Variants in UBAC2 observed in about 807,000 individuals in gnomAD.
The protein encoded by UBAC2 is ubiquitin-associated domain-containing protein 2.
Under a neutral mutation model 44.0 loss-of-function variants are expected in UBAC2, and 26 were observed. That is an observed-to-expected ratio of 0.59 (90% CI 0.43 to 0.82). The LOEUF (loss-of-function observed/expected upper bound fraction) is 0.82. Ranked by LOEUF, UBAC2 falls within the 40% of genes least tolerant of loss-of-function variation. The probability of loss-of-function intolerance (pLI) is 0.00; values close to 1 mark genes in which losing one functional copy is unlikely to be tolerated. For missense variants in UBAC2, 329 were observed against 419.4 expected (o/e 0.78, Z 1.88); for synonymous variants, 155 against 154.3 (o/e 1.00, Z -0.04).
chr13:99,213,234 T>TA (rs398037828), intron 1 of UBAC2, among the ~76,000 whole-genome samples: 2 of 152,056 alleles, frequency 1.3e-5, no homozygotes, highest in Non-Finnish European at 2.9e-5. Context: ...TTTTTTTTTT[T>TA]ATTTAAGATG....
intron 1 of UBAC2, among the ~76,000 whole-genome samples, chr13:99,219,718 T>G (rs1024288338): frequency 5.3e-5 from 8 of 152,256 alleles, no homozygotes; most frequent in Non-Finnish European, 8.8e-5. Context: ...CGTCATGCCC[T>G]ATTACCTTCT....
At chr13:99,269,174 A>G (rs1021611843) in intron 4 of UBAC2, among the ~76,000 whole-genome samples, 20 of 152,322 alleles carry the variant, frequency 1.3e-4, no homozygotes, top group African/African-American at 4.6e-4. Flanking sequence ...TGTTGCAGGA[A>G]GTCCACTCAT....
rs572757183 is a variant in UBAC2, at chr13:99,351,834, T to G, written c.807+11269T>G. The G allele has an allele frequency of 1.7e-4, 75 of 452,608 alleles. 1 individual carries two copies. In the Middle Eastern group the frequency reaches 2.9e-3, roughly 18 times the overall value. 28.0% of individuals were successfully genotyped at this position (452,608 alleles called of 1,614,324 possible). A position where few individuals can be genotyped will look rare whatever the true frequency, so the allele number is the denominator to read the frequency against. On this transcript the variant is annotated intron_variant, in intron 7 of 8. Transcript: ENST00000403766. The stretch of plus-strand genomic sequence containing the variant: ...TCTTTTAACTGCCTCCTCATCTCAT[T>G]GGGCTGCCCGGTGTTAACTGGTTGA...
intron 7 of UBAC2, among the ~76,000 whole-genome samples, chr13:99,352,144 T>G (rs992647966): frequency 2.0e-5 from 3 of 152,210 alleles, no homozygotes; most frequent in Non-Finnish European, 4.4e-5. Context: ...TTCAATAACT[T>G]TTTTTAGTGT....
chr13:99,280,610 G>A (rs1273095630), intron 4 of UBAC2, among the ~76,000 whole-genome samples: 2 of 152,132 alleles, frequency 1.3e-5, no homozygotes, highest in Non-Finnish European at 2.9e-5. Context: ...TCTCTCAACT[G>A]GATGCTTTTG....
Position 99,364,481 on chromosome 13 carries a change from A to G in UBAC2, c.808-3306A>G, listed in dbSNP as rs2045305322. On this transcript the variant is annotated intron_variant, in intron 7 of 8. Coordinates refer to ENST00000403766, the MANE Select transcript of UBAC2 (RefSeq NM_001144072.2). ...ATATTGTATAATTTTTCTTGCTCATAATGGCCTTGTCTAGTTTTGGAAACA... is the reference window on the plus strand; with the variant it reads ...ATATTGTATAATTTTTCTTGCTCATGATGGCCTTGTCTAGTTTTGGAAACA... Among the ~76,000 whole-genome samples, 2 of 151,788 alleles carry G rather than the reference A, an allele frequency of 1.3e-5. 1 individual carries two copies. The highest frequency in any genetic ancestry group is 2.9e-5 in the Non-Finnish European group (2 of 67,958).
intron 1 of UBAC2, among the ~76,000 whole-genome samples, chr13:99,232,687 C>T (rs936847282): frequency 5.9e-5 from 9 of 152,026 alleles, no homozygotes; most frequent in African/African-American, 1.9e-4. Context: ...TTTGGGAGGC[C>T]GAGGCGGGCA....
chr13:99,346,064 AT>A (rs2044974965), intron 7 of UBAC2, among the ~76,000 whole-genome samples: 1 of 152,124 alleles, frequency 6.6e-6, no homozygotes, highest in Non-Finnish European at 1.5e-5. Context: ...TCTTTGCTAA[AT>A]TTGTTTCCCT....
intron 7 of UBAC2, among the ~76,000 whole-genome samples, chr13:99,348,854 A>G (rs921178245): frequency 1.3e-5 from 2 of 152,184 alleles, no homozygotes; most frequent in East Asian, 3.8e-4. Flanking sequence ...CTACAAAAAA[A>G]TTTTTTAAAT....
At chr13:99,201,614 TGA>T (rs940555803) in intron 1 of UBAC2, 45 of 1,604,916 alleles carry the variant, frequency 2.8e-5, no homozygotes, top group African/African-American at 4.0e-5. Context: ...CTTTTCTCAC[TGA>T]GTGTGTGGAA....
At chr13:99,234,580 GTCAGATACTGTGTCCAATGACAAGCA>G (rs1161972115) in intron 1 of UBAC2, among the ~76,000 whole-genome samples, 5 of 152,194 alleles carry the variant, frequency 3.3e-5, no homozygotes, top group Non-Finnish European at 7.3e-5. Flanking sequence ...GCTCAGAGAG[GTCAGATACTGTGTCCAATGACAAGCA>G]TCAGTAAGTG....
chr13:99,287,685 A>G (rs1208448445), intron 4 of UBAC2, among the ~76,000 whole-genome samples: 1 of 120,170 alleles, frequency 8.3e-6, no homozygotes, highest in Non-Finnish European at 1.6e-5. Context: ...AGGTTTCGCC[A>G]TGTTGCCCAG....
chr13:99,358,114 G>A (rs2045214260), intron 7 of UBAC2, among the ~76,000 whole-genome samples: 1 of 152,144 alleles, frequency 6.6e-6, no homozygotes, highest in African/African-American at 2.4e-5. Context: ...GTACAGGGTG[G>A]TGAGAGCAGG....
chr13:99,350,335 T>C (rs539407210), intron 7 of UBAC2, among the ~76,000 whole-genome samples: 2 of 152,324 alleles, frequency 1.3e-5, no homozygotes, highest in East Asian at 3.9e-4. Flanking sequence ...CTCTCCTGGA[T>C]AGCCTCAGAT....
At position 99,200,873 on chromosome 13, in the gene UBAC2, C is replaced by T. The variant is rs766282657; in HGVS notation, c.-36C>T. 3 of 1,295,300 alleles carry T rather than the reference C, an allele frequency of 2.3e-6. No homozygotes were observed. Among genetic ancestry groups the T allele is most frequent in the Non-Finnish European group, 3.0e-6 (3 of 1,013,092 alleles). 80.2% of individuals were successfully genotyped at this position (1,295,300 alleles called of 1,614,324 possible). ...GGGCTCGCACTTCAGCTTCCCCTCC[C>T]CCGGCGCCCTCTGGGGCTCCGAGCC... On this transcript the variant is annotated 5_prime_UTR_variant, in exon 1 of 9. Coordinates refer to ENST00000403766, the MANE Select transcript of UBAC2 (RefSeq NM_001144072.2).
At chr13:99,380,106 A>G (rs886397060) in intron 8 of UBAC2, among the ~76,000 whole-genome samples, 4 of 152,172 alleles carry the variant, frequency 2.6e-5, no homozygotes, top group African/African-American at 9.7e-5. Context: ...TGTGGCCTGC[A>G]TTTTGACTGC....
intron 4 of UBAC2, among the ~76,000 whole-genome samples, chr13:99,276,641 C>G (rs1490228779): frequency 2.0e-5 from 3 of 152,150 alleles, no homozygotes; most frequent in Non-Finnish European, 4.4e-5. Context: ...CTCCCACCAC[C>G]CCACTTCCTG....
intron 1 of UBAC2, among the ~76,000 whole-genome samples, chr13:99,211,457 A>G (rs1658929305): frequency 6.6e-6 from 1 of 152,246 alleles, no homozygotes; most frequent in Non-Finnish European, 1.5e-5. Context: ...CTACATGTCT[A>G]TATGGTTCTT....
chr13:99,310,017 G>A (rs2138755633), intron 4 of UBAC2, among the ~76,000 whole-genome samples: 1 of 152,320 alleles, frequency 6.6e-6, no homozygotes, highest in African/African-American at 2.4e-5. Flanking sequence ...AGCAGTAGAT[G>A]CTCAGTAAAT....
Sources: gnomAD v4.1 joint callset for allele counts (sites outside exome capture counted in the v4.1 genomes callset) on GRCh38, gnomAD v4.1.1 for gene constraint, MANE v1.5 for transcripts, NCBI Gene and HGNC (gene_info 2026-07-23, HGNC 2026-07-21) for gene names.